The following GNB1L variants were observed in gnomAD, a reference collection of about 807,000 sequenced individuals.
The protein encoded by GNB1L is guanine nucleotide-binding protein subunit beta-like protein 1.
A neutral mutation model predicts 29.1 loss-of-function variants in GNB1L; 20 were observed. The observed-to-expected ratio is 0.69, with a 90% CI of 0.48 to 1.00. The LOEUF (loss-of-function observed/expected upper bound fraction) is 1.00. Ranked by LOEUF, GNB1L falls within the 50% of genes least tolerant of loss-of-function variation. The pLI is 0.00. For missense variants in GNB1L, 421 were observed against 464.9 expected, an observed-to-expected ratio of 0.91 and a Z score of 0.87; for synonymous variants, 193 against 206.5, an observed-to-expected ratio of 0.93 and a Z score of 0.56.
At chr22:19,841,479 A>T (rs117564567) in intron 2 of GNB1L, among the ~76,000 whole-genome samples, 2,069 of 152,200 alleles carry the variant, frequency 0.014, 83 homozygotes, top group East Asian at 0.11. Context: ...CAAATAATTT[A>T]AAAAAATCGG....
At chr22:19,824,177 A>G (rs1937601296) in intron 2 of GNB1L, among the ~76,000 whole-genome samples, 1 of 152,296 alleles carries the variant, frequency 6.6e-6, no homozygotes, top group South Asian at 2.1e-4. Flanking sequence ...AGTAATTAAA[A>G]TAAATGCTTT....
intron 2 of GNB1L, among the ~76,000 whole-genome samples, chr22:19,828,817 T>C (rs1226044620): frequency 6.6e-6 from 1 of 151,318 alleles, no homozygotes; most frequent in African/African-American, 2.4e-5. Context: ...TTGGAGAATA[T>C]GACATACTAC....
chr22:19,837,865 G>C (rs1247388070), intron 2 of GNB1L, among the ~76,000 whole-genome samples: 3 of 152,182 alleles, frequency 2.0e-5, no homozygotes, highest in African/African-American at 7.2e-5. Flanking sequence ...GCCAGAAAAA[G>C]AGAGTAAATT....
chr22:19,852,102 C>A, intron 2 of GNB1L: 1 of 1,614,226 alleles, frequency 6.2e-7, no homozygotes, highest in Non-Finnish European at 8.5e-7. Flanking sequence ...CACACGGTGT[C>A]CCCACAGCAG....
chr22:19,833,350 T>C (rs1026451338), intron 2 of GNB1L, among the ~76,000 whole-genome samples: 14 of 152,048 alleles, frequency 9.2e-5, no homozygotes, highest in Admixed American at 8.5e-4. Flanking sequence ...ACCAAACAAA[T>C]ACGAATTTCA....
intron 7 of GNB1L, among the ~76,000 whole-genome samples, chr22:19,800,166 C>A (rs781264610): frequency 6.6e-6 from 1 of 152,216 alleles, no homozygotes; most frequent in Non-Finnish European, 1.5e-5. Flanking sequence ...TTCATCAATC[C>A]GGTCAAGTTC....
At chr22:19,836,968 A>AT (rs35048764) in intron 2 of GNB1L, among the ~76,000 whole-genome samples, 9,767 of 143,976 alleles carry the variant, frequency 0.068, 336 homozygotes, top group African/African-American at 0.092. Context: ...TTGAAAAGAG[A>AT]TTTTTTTTTT....
intron 6 of GNB1L, among the ~76,000 whole-genome samples, chr22:19,805,736 C>G (rs185403579): frequency 8.0e-4 from 122 of 151,846 alleles, no homozygotes; most frequent in African/African-American, 2.8e-3. Flanking sequence ...GAGCAGAGAT[C>G]GCGCCACTGC....
chr22:19,812,802 C>CA (rs1937511521), intron 4 of GNB1L, among the ~76,000 whole-genome samples: 1 of 152,158 alleles, frequency 6.6e-6, no homozygotes, highest in Non-Finnish European at 1.5e-5. Context: ...GCCAGGATCC[C>CA]AGGAAGGACT....
At chr22:19,828,202 T>A (rs1169003882) in intron 2 of GNB1L, among the ~76,000 whole-genome samples, 1 of 152,050 alleles carries the variant, frequency 6.6e-6, no homozygotes, top group African/African-American at 2.4e-5. Flanking sequence ...TCCAAAACGC[T>A]AAAATTAGAG....
intron 2 of GNB1L, chr22:19,850,498 C>T (rs1439254325): frequency 1.7e-5 from 18 of 1,042,242 alleles, no homozygotes; most frequent in Non-Finnish European, 2.1e-5. Flanking sequence ...AGGGCGAATG[C>T]CTGCAGCTGA....
At chr22:19,793,192 C>G (rs1937270968) in intron 7 of GNB1L, 1 of 748,732 alleles carries the variant, frequency 1.3e-6, no homozygotes. Flanking sequence ...AAATAATTAC[C>G]CAAAAAATTG....
intron 2 of GNB1L, among the ~76,000 whole-genome samples, chr22:19,845,717 C>G (rs1423303507): frequency 6.6e-6 from 1 of 152,230 alleles, no homozygotes; most frequent in African/African-American, 2.4e-5. Flanking sequence ...GAGCAACGGG[C>G]CCTGCTGTCC....
chr22:19,817,317 G>C (rs5746836), intron 4 of GNB1L, among the ~76,000 whole-genome samples: 41,855 of 152,032 alleles, frequency 0.28, 6,249 homozygotes, highest in African/African-American at 0.39. Flanking sequence ...CCCATCTCTA[G>C]TAAAAATACA....
rs1333789976 is a variant in GNB1L at position 19,787,392 on chromosome 22, G to C, written c.*1317C>G. On this transcript the variant is annotated 3_prime_UTR_variant, in exon 8 of 8. Transcript: ENST00000329517. ...GTCCAGCCCTCCGTTTGGCAGGTCT[G>C]TTCCGGGAACTCCCCTGATCCACCC... is the stretch of plus-strand genomic sequence containing the variant. 1 of 152,532 alleles carries C rather than the reference G, an allele frequency of 6.6e-6. No homozygotes were observed. The highest frequency in any genetic ancestry group is 1.5e-5 in the Non-Finnish European group (1 of 68,330). 9.4% of individuals were successfully genotyped at this position (152,532 alleles called of 1,614,324 possible).
In GNB1L at chr22:19,816,452, ATC is replaced by A. The variant is rs1326908980; in HGVS notation, c.255-4007_255-4006del. On this transcript the variant is annotated intron_variant, in intron 4 of 7. Transcript: ENST00000329517. This position sits in a 1 kb window ranked among gnomAD's most constrained non-coding sequence, Gnocchi z 4.4. ...GAGATGTCCAGACCTAGAATCTGCC[ATC>A]TCCCGGGGAACCCTCACTCAGCTTA... Among the ~76,000 whole-genome samples the A allele has an allele frequency of 6.6e-6, 1 of 152,158 alleles. No homozygotes were observed. The highest frequency in any genetic ancestry group is 1.9e-4 in the East Asian group (1 of 5,188).
rs371972356 is a variant in GNB1L, at chr22:19,835,401, C to A, written c.-20-14026G>T. Among the ~76,000 whole-genome samples the A allele has an allele frequency of 1.3e-3, 191 of 141,938 alleles. 1 individual carries two copies. The highest frequency in any genetic ancestry group is 3.3e-3 in the South Asian group (15 of 4,480). The allele number at this position is 141,938 out of a possible 152,430, so 93.1% of individuals were successfully genotyped here. On this transcript the variant is annotated intron_variant, in intron 2 of 7. Transcript: ENST00000329517. ...AAAAAAAAAAAAACAAACAAACAAACAAAAAAAAAACCTCACGCCTGTAAT... is the reference window on the plus strand; with the variant it reads ...AAAAAAAAAAAAACAAACAAACAAAAAAAAAAAAAACCTCACGCCTGTAAT...
intron 2 of GNB1L, chr22:19,846,788 G>C: frequency 2.2e-6 from 1 of 446,518 alleles, no homozygotes; most frequent in East Asian, 1.6e-4. Flanking sequence ...GCCAAGGAGC[G>C]AGGCCTCAGG....
At chr22:19,844,170 C>T (rs1025257256) in intron 2 of GNB1L, among the ~76,000 whole-genome samples, 1 of 152,244 alleles carries the variant, frequency 6.6e-6, no homozygotes, top group African/African-American at 2.4e-5. Flanking sequence ...TCCAGATAGG[C>T]CCTGCTGCGT....
Sources: allele counts gnomAD v4.1 joint callset (sites outside exome capture counted in the v4.1 genomes callset), GRCh38; gene constraint gnomAD v4.1.1; non-coding constraint Gnocchi (gnomAD v3.1); transcripts MANE v1.5; gene names NCBI Gene and HGNC (gene_info 2026-07-23, HGNC 2026-07-21).